Variants in KSR1 observed in about 807,000 individuals in gnomAD.
The protein encoded by KSR1 is kinase suppressor of ras 1.
KSR1 carries 35 observed loss-of-function variants against 92.9 expected under a neutral mutation model. The observed-to-expected ratio is 0.38, with a 90% CI of 0.29 to 0.50. KSR1 has a LOEUF of 0.50. KSR1 is among the 20% of genes least tolerant of loss of function. KSR1 has a pLI of 0.94. For missense variants in KSR1, 972 were observed against 1,158.5 expected (o/e 0.84, Z 2.34); for synonymous variants, 467 against 472.6 (o/e 0.99, Z 0.15).
chr17:27,582,164 C>G (rs994814100), intron 3 of KSR1, among the ~76,000 whole-genome samples: 2 of 152,180 alleles, frequency 1.3e-5, no homozygotes, highest in Non-Finnish European at 2.9e-5. Context: ...GCCAGTTCCT[C>G]TCTGGGCTGT....
chr17:27,594,765 C>T (rs1210536007), intron 9 of KSR1, among the ~76,000 whole-genome samples: 2 of 151,114 alleles, frequency 1.3e-5, no homozygotes, highest in African/African-American at 4.9e-5. Context: ...ACCCCACATT[C>T]CCCTTCAGCA....
At chr17:27,585,712 G>A (rs376647878) in intron 5 of KSR1, 51 bp downstream of exon 5, 27 of 745,876 alleles carry the variant, frequency 3.6e-5, no homozygotes, top group African/African-American at 1.7e-4. Flanking sequence ...TCGTGTGTGC[G>A]TTGCTGTCCC....
chr17:27,520,813 C>A (rs747100343), intron 1 of KSR1, among the ~76,000 whole-genome samples: 19 of 152,246 alleles, frequency 1.2e-4, no homozygotes, highest in Non-Finnish European at 2.2e-4. Context: ...TGCCTTCCCC[C>A]TTACCCATTT....
chr17:27,588,680 T>A, intron 6 of KSR1, 145 bp downstream of exon 6: 4 of 648,226 alleles, frequency 6.2e-6, no homozygotes, highest in Non-Finnish European at 9.5e-6. Context: ...GCCCTGCACT[T>A]ACCTGGAGCC....
intron 4 of KSR1, among the ~76,000 whole-genome samples, chr17:27,584,800 G>A (rs1567855684): frequency 1.3e-5 from 2 of 152,188 alleles, no homozygotes; most frequent in Non-Finnish European, 2.9e-5. Flanking sequence ...CCAGCTCCAT[G>A]TGTTCTCAGG....
At chr17:27,488,144 C>G (rs1176281220) in intron 1 of KSR1, among the ~76,000 whole-genome samples, 1 of 152,184 alleles carries the variant, frequency 6.6e-6, no homozygotes, top group Non-Finnish European at 1.5e-5. Context: ...GTGTTCCAGC[C>G]TTTAAAATTT....
intron 1 of KSR1, among the ~76,000 whole-genome samples, chr17:27,492,348 C>T (rs1209629123): frequency 6.6e-6 from 1 of 152,176 alleles, no homozygotes; most frequent in Non-Finnish European, 1.5e-5. Context: ...CTCACCTTTG[C>T]AGAGCTCTGA....
intron 9 of KSR1, among the ~76,000 whole-genome samples, chr17:27,596,459 G>A (rs527686395): frequency 2.6e-5 from 4 of 152,342 alleles, no homozygotes; most frequent in African/African-American, 9.6e-5. Flanking sequence ...TTAGCAGGGG[G>A]AGCATGCTTG....
intron 1 of KSR1, among the ~76,000 whole-genome samples, chr17:27,488,833 G>A (rs556067378): frequency 9.8e-5 from 15 of 152,316 alleles, no homozygotes; most frequent in East Asian, 3.9e-4. Flanking sequence ...GCGTGGTGGC[G>A]CATGCCTGCA....
chr17:27,478,953 C>T (rs901010627), intron 1 of KSR1, among the ~76,000 whole-genome samples: 4 of 150,976 alleles, frequency 2.6e-5, no homozygotes, highest in African/African-American at 9.8e-5. Flanking sequence ...CTCCTCCCTC[C>T]ATTCATGCTC....
intron 1 of KSR1, among the ~76,000 whole-genome samples, chr17:27,460,133 G>GCAACTGAAA (rs1193784263): frequency 3.3e-5 from 5 of 152,102 alleles, no homozygotes; most frequent in Non-Finnish European, 7.4e-5. Flanking sequence ...CCTCCTAGGG[G>GCAACTGAAA]TCTGAAAACT....
At chr17:27,551,401 A>G (rs2071391527) in intron 2 of KSR1, among the ~76,000 whole-genome samples, 1 of 152,194 alleles carries the variant, frequency 6.6e-6, no homozygotes, top group South Asian at 2.1e-4. Context: ...GTCAGATCTC[A>G]TAAATCCCCT....
At chr17:27,487,228 AG>A (rs1195210592) in intron 1 of KSR1, among the ~76,000 whole-genome samples, 27 of 152,222 alleles carry the variant, frequency 1.8e-4, no homozygotes, top group Admixed American at 1.6e-3. Context: ...TGAGGTCAGG[AG>A]TTGGATACCC....
chr17:27,531,840 C>G (rs1175193570), intron 1 of KSR1, among the ~76,000 whole-genome samples: 1 of 152,186 alleles, frequency 6.6e-6, no homozygotes, highest in Non-Finnish European at 1.5e-5. Flanking sequence ...ACACCCACCT[C>G]CCCAGATGAA....
At position 27,459,285 on chromosome 17, in the gene KSR1, C is replaced by T. The variant is rs1272135988; in HGVS notation, c.231+2411C>T. 1.3e-5 allele frequency among the ~76,000 whole-genome samples: 2 copies of T among 152,206 alleles called. No homozygotes were observed. Among genetic ancestry groups the T allele is most frequent in the Non-Finnish European group, 2.9e-5 (2 of 68,028 alleles). ...GAAAAGAGTCTGCCTGGCAGCTGCC[C>T]CTAGTGAGGGTCCAGTAGCATTTAT... On this transcript the variant is annotated intron_variant, in intron 1 of 20. Coordinates refer to ENST00000644974, the MANE Select transcript of KSR1 (RefSeq NM_001394583.1). The surrounding 1 kb of genome is among the most constrained non-coding windows in gnomAD (Gnocchi z 4.6).
intron 14 of KSR1, among the ~76,000 whole-genome samples, chr17:27,607,054 A>G (rs1184823607): frequency 1.3e-5 from 2 of 151,844 alleles, no homozygotes; most frequent in African/African-American, 4.8e-5. Flanking sequence ...CTGGTCTCAA[A>G]CTCTTGACCT....
chr17:27,540,562 T>C (rs1351028172), intron 1 of KSR1, among the ~76,000 whole-genome samples: 9 of 152,194 alleles, frequency 5.9e-5, no homozygotes, highest in Non-Finnish European at 1.5e-5. Context: ...CCTGGCAGCT[T>C]CCCCAGGAGA....
chr17:27,495,032 G>A (rs1227065339), intron 1 of KSR1, among the ~76,000 whole-genome samples: 1 of 152,260 alleles, frequency 6.6e-6, no homozygotes, highest in African/African-American at 2.4e-5. Context: ...TGGTAAGCCG[G>A]GCGGCTGGGC....
Position 27,626,295 on chromosome 17 carries a change from G to C in KSR1, c.*2903G>C, listed in dbSNP as rs189321290. 6.6e-6 allele frequency: 1 copy of C among 152,346 alleles called. No individual in the cohort carries two copies. Among genetic ancestry groups the C allele is most frequent in the African/African-American group, 2.4e-5 (1 of 41,580 alleles). The allele number at this position is 152,346 out of a possible 1,614,324, so 9.4% of individuals were successfully genotyped here. A position where few individuals can be genotyped will look rare whatever the true frequency, so the allele number is the denominator to read the frequency against. ...TTCTATCAACTACATTTGTCTTCCA[G>C]ACATGCTATTAATTTAAATTAAAAT... On this transcript the variant is annotated 3_prime_UTR_variant, in exon 21 of 21. Coordinates refer to ENST00000644974, the MANE Select transcript of KSR1 (RefSeq NM_001394583.1).
Sources: allele counts gnomAD v4.1 joint callset (sites outside exome capture counted in the v4.1 genomes callset), GRCh38; gene constraint gnomAD v4.1.1; non-coding constraint Gnocchi (gnomAD v3.1); transcripts MANE v1.5; gene names NCBI Gene and HGNC (gene_info 2026-07-23, HGNC 2026-07-21).